CHRM3: variants seen among roughly 807,000 people sequenced by gnomAD.
CHRM3 encodes the protein cholinergic receptor muscarinic 3, also known as muscarinic acetylcholine receptor M3.
CHRM3 carries 11 observed loss-of-function variants against 41.8 expected under a neutral mutation model. The observed-to-expected ratio is 0.26, with a 90% CI of 0.17 to 0.44. The LOEUF is 0.44. CHRM3 is among the 20% of genes least tolerant of loss of function. The pLI, the probability that CHRM3 is intolerant of heterozygous loss-of-function variation, is 1.00. For missense variants in CHRM3, 571 were observed against 745.4 expected, an observed-to-expected ratio of 0.77 and a Z score of 2.72; for synonymous variants, 297 against 301.4, an observed-to-expected ratio of 0.99 and a Z score of 0.15.
rs1268831235 is a variant in CHRM3, at chr1:239,708,348, T to G, written c.-147+30060T>G. On this transcript the variant is annotated intron_variant, in intron 5 of 6. Transcript: ENST00000676153. ...GGTCCAAGCTTGGATTAGCTCTTACTCAGATGATTGCAGGAGACTTCCAAT... is the reference window on the plus strand; with the variant it reads ...GGTCCAAGCTTGGATTAGCTCTTACGCAGATGATTGCAGGAGACTTCCAAT... Among the ~76,000 whole-genome samples the G allele has an allele frequency of 3.3e-5, 5 of 152,180 alleles. No homozygotes were observed. In the East Asian group the frequency reaches 7.7e-4, roughly 24 times the overall value.
intron 5 of CHRM3, among the ~76,000 whole-genome samples, chr1:239,746,486 T>C (rs1291504514): frequency 1.6e-4 from 25 of 152,230 alleles, no homozygotes; most frequent in Admixed American, 1.6e-3. Flanking sequence ...TGAGAAGATA[T>C]ACTTGATATG....
At chr1:239,906,773 G>A (rs1464604516) in intron 6 of CHRM3, among the ~76,000 whole-genome samples, 1 of 152,124 alleles carries the variant, frequency 6.6e-6, no homozygotes, top group African/African-American at 2.4e-5. Context: ...AAAACGTTCT[G>A]CTAAAAGTTC....
chr1:239,717,903 A>G (rs1431719), intron 5 of CHRM3, among the ~76,000 whole-genome samples: 61,386 of 151,894 alleles, frequency 0.4, 12,720 homozygotes, highest in Middle Eastern at 0.51. Flanking sequence ...GTCAGTTTAT[A>G]GAGAGTGGCA....
At chr1:239,517,126 C>T (rs1669326191) in intron 2 of CHRM3, among the ~76,000 whole-genome samples, 1 of 152,122 alleles carries the variant, frequency 6.6e-6, no homozygotes, top group African/African-American at 2.4e-5. Context: ...CATCCTCCTG[C>T]CCGGTCCATA....
intron 5 of CHRM3, among the ~76,000 whole-genome samples, chr1:239,699,603 C>A (rs1660502663): frequency 6.6e-6 from 1 of 152,162 alleles, no homozygotes; most frequent in Non-Finnish European, 1.5e-5. Context: ...CAGACTAAGA[C>A]AAGTGGCTAT....
intron 1 of CHRM3, among the ~76,000 whole-genome samples, chr1:239,485,821 T>C (rs1667151459): frequency 6.6e-6 from 1 of 152,184 alleles, no homozygotes; most frequent in Non-Finnish European, 1.5e-5. Flanking sequence ...CACTAGAAGA[T>C]TGCTCTTCCA....
At chr1:239,680,178 G>T (rs184149620) in intron 5 of CHRM3, among the ~76,000 whole-genome samples, 1 of 152,018 alleles carries the variant, frequency 6.6e-6, no homozygotes, top group East Asian at 1.9e-4. Context: ...TGTTCAATCC[G>T]TGCTTCATCC....
chr1:239,470,865 A>T (rs2147938747), intron 1 of CHRM3, among the ~76,000 whole-genome samples: 1 of 152,108 alleles, frequency 6.6e-6, no homozygotes, highest in Non-Finnish European at 1.5e-5. Context: ...ATTTTTTTTT[A>T]AATCCTTGCT....
intron 5 of CHRM3, among the ~76,000 whole-genome samples, chr1:239,678,529 G>C (rs1214928768): frequency 6.6e-6 from 1 of 152,150 alleles, no homozygotes; most frequent in Non-Finnish European, 1.5e-5. Context: ...CATTCAAAGA[G>C]AGAGGAGAAA....
chr1:239,650,624 T>C (rs1672148152), intron 4 of CHRM3, among the ~76,000 whole-genome samples: 1 of 152,198 alleles, frequency 6.6e-6, no homozygotes, highest in Non-Finnish European at 1.5e-5. Flanking sequence ...CCCAACAATG[T>C]GGCCCAGGAC....
chr1:239,387,921 A>G lies in CHRM3; in HGVS notation c.-521+694A>G, dbSNP rs372419213. 5.3e-4 allele frequency among the ~76,000 whole-genome samples: 80 copies of G among 152,228 alleles called. No individual in the cohort carries two copies. Among genetic ancestry groups the G allele is most frequent in the African/African-American group, 1.9e-3 (79 of 41,534 alleles). On this transcript the variant is annotated intron_variant, in intron 1 of 6. Coordinates refer to ENST00000676153, the MANE Select transcript of CHRM3 (RefSeq NM_001375978.1). This position sits in a 1 kb window ranked among gnomAD's most constrained non-coding sequence, Gnocchi z 5.1. ...GACTGCACCGGTTCTCCTCTTTGGA[A>G]CACTTCCTCAGCATAGCCTCCTAAT... is the stretch of plus-strand genomic sequence containing the variant.
intron 5 of CHRM3, among the ~76,000 whole-genome samples, chr1:239,699,186 A>G (rs1403050402): frequency 6.6e-6 from 1 of 152,044 alleles, no homozygotes; most frequent in African/African-American, 2.4e-5. Context: ...GTTTTACTAC[A>G]TAGTTTTGCA....
chr1:239,530,274 T>G (rs912221398), intron 2 of CHRM3, among the ~76,000 whole-genome samples: 1 of 152,188 alleles, frequency 6.6e-6, no homozygotes, highest in African/African-American at 2.4e-5. Flanking sequence ...ATTGCACCAT[T>G]GAGTCAGCTA....
intron 5 of CHRM3, among the ~76,000 whole-genome samples, chr1:239,792,950 A>G (rs1302648040): frequency 6.6e-6 from 1 of 152,206 alleles, no homozygotes; most frequent in Non-Finnish European, 1.5e-5. Flanking sequence ...TTATAACACA[A>G]GTATCAATAG....
chr1:239,530,724 G>A (rs1425947107), intron 2 of CHRM3, among the ~76,000 whole-genome samples: 1 of 152,120 alleles, frequency 6.6e-6, no homozygotes, highest in Non-Finnish European at 1.5e-5. Flanking sequence ...GAGCACAAAA[G>A]CAGTCTTGAG....
chr1:239,846,323 A>G (rs1048120786), intron 6 of CHRM3, among the ~76,000 whole-genome samples: 1 of 152,194 alleles, frequency 6.6e-6, no homozygotes, highest in African/African-American at 2.4e-5. Flanking sequence ...TTGAACATAT[A>G]TCTAGTCATA....
intron 5 of CHRM3, among the ~76,000 whole-genome samples, chr1:239,817,295 A>T (rs1459637575): frequency 6.6e-6 from 1 of 152,168 alleles, no homozygotes; most frequent in East Asian, 1.9e-4. Context: ...AACCATGAAG[A>T]TCTGTTTAAA....
intron 4 of CHRM3, among the ~76,000 whole-genome samples, chr1:239,660,421 T>G (rs879755026): frequency 1.3e-5 from 2 of 152,222 alleles, no homozygotes. Flanking sequence ...TCACTTACAT[T>G]TCTTCAAGGC....
rs770482884 is a variant in CHRM3 at position 239,643,635 on chromosome 1, G to A, written c.-250+11349G>A. ...AACCCGTCGGAAAAGTGCAGTATTC[G>A]GGTGGGAGTGACCCGATTTTCCAGA... On this transcript the variant is annotated intron_variant, in intron 4 of 6. Coordinates refer to ENST00000676153, the MANE Select transcript of CHRM3 (RefSeq NM_001375978.1). Among the ~76,000 whole-genome samples, 55 of 152,276 alleles carry A rather than the reference G, an allele frequency of 3.6e-4. 2 individuals carry two copies. The highest frequency in any genetic ancestry group is 3.4e-3 in the Middle Eastern group (1 of 294).
Sources: allele counts gnomAD v4.1 joint callset (sites outside exome capture counted in the v4.1 genomes callset), GRCh38; gene constraint gnomAD v4.1.1; non-coding constraint Gnocchi (gnomAD v3.1); transcripts MANE v1.5; gene names NCBI Gene and HGNC (gene_info 2026-07-23, HGNC 2026-07-21).